The following RBFOX1 variants were observed in gnomAD, a reference collection of about 807,000 sequenced individuals.
The protein encoded by RBFOX1 is RNA binding protein fox-1 homolog 1.
A neutral mutation model predicts 57.7 loss-of-function variants in RBFOX1; 8 were observed. The observed-to-expected ratio is 0.14, with a 90% CI of 0.08 to 0.25. RBFOX1 has a LOEUF of 0.25. Among genes scored for constraint, RBFOX1 ranks in the 10% least tolerant of loss-of-function variants. RBFOX1 has a pLI of 1.00. For missense variants in RBFOX1, 611 were observed against 548.5 expected (o/e 1.11, Z -1.14); for synonymous variants, 326 against 222.4 (o/e 1.47, Z -4.15).
intron 4 of RBFOX1, among the ~76,000 whole-genome samples, chr16:5,927,575 A>T (rs1487917890): frequency 6.6e-6 from 1 of 152,224 alleles, no homozygotes; most frequent in Non-Finnish European, 1.5e-5. Flanking sequence ...CTACCGTATG[A>T]TCCAGCAATA....
At chr16:5,813,555 A>C (rs1365308925) in intron 3 of RBFOX1, among the ~76,000 whole-genome samples, 1 of 152,272 alleles carries the variant, frequency 6.6e-6, no homozygotes, top group Non-Finnish European at 1.5e-5. Flanking sequence ...GAAGCCAGGC[A>C]TAAAAGGTCA....
At chr16:6,555,077 A>G (rs1441307820) in intron 2 of RBFOX1, among the ~76,000 whole-genome samples, 1 of 152,186 alleles carries the variant, frequency 6.6e-6, no homozygotes, top group Non-Finnish European at 1.5e-5. Context: ...ATTCTTGCAC[A>G]TGGAAACACA....
intron 4 of RBFOX1, among the ~76,000 whole-genome samples, chr16:7,310,074 C>T (rs1012426774): frequency 7.9e-5 from 12 of 152,222 alleles, no homozygotes; most frequent in Admixed American, 3.3e-4. Flanking sequence ...CTATTGAGGG[C>T]GGCTGTGTCA....
intron 4 of RBFOX1, among the ~76,000 whole-genome samples, chr16:7,241,719 A>G (rs1487890875): frequency 6.6e-6 from 1 of 152,154 alleles, no homozygotes; most frequent in Non-Finnish European, 1.5e-5. Context: ...ATGGACAAAT[A>G]TATATGCATA....
intron 2 of RBFOX1, among the ~76,000 whole-genome samples, chr16:6,395,292 C>T (rs1013614): frequency 5.1e-4 from 78 of 152,106 alleles, no homozygotes; most frequent in Non-Finnish European, 7.5e-4. Flanking sequence ...CCAACAAAGT[C>T]AGATTTCAAA....
chr16:7,133,004 A>G (rs2151999041), intron 4 of RBFOX1, among the ~76,000 whole-genome samples: 1 of 152,320 alleles, frequency 6.6e-6, no homozygotes, highest in Non-Finnish European at 1.5e-5. Context: ...GAAATAAACC[A>G]GAAAATAAAT....
At chr16:5,934,986 C>T (rs568205040) in intron 4 of RBFOX1, among the ~76,000 whole-genome samples, 1 of 152,178 alleles carries the variant, frequency 6.6e-6, no homozygotes, top group African/African-American at 2.4e-5. Context: ...CCAGAGAGAT[C>T]AGTCCTGCAT....
chr16:6,240,850 T>C (rs1311959437), intron 1 of RBFOX1, among the ~76,000 whole-genome samples: 1 of 152,172 alleles, frequency 6.6e-6, no homozygotes, highest in Non-Finnish European at 1.5e-5. Context: ...GCACACGTTA[T>C]GCAGTTTTCC....
intron 1 of RBFOX1, among the ~76,000 whole-genome samples, chr16:5,269,772 T>G (rs1380219720): frequency 6.6e-6 from 1 of 152,198 alleles, no homozygotes; most frequent in African/African-American, 2.4e-5. Context: ...TGTGTATATC[T>G]CTGAATATAT....
Position 6,460,230 on chromosome 16 carries a change from C to A in RBFOX1, c.-64+143173C>A, listed in dbSNP as rs571762596. Among the ~76,000 whole-genome samples, 4 of 152,048 alleles carry A rather than the reference C, an allele frequency of 2.6e-5. 1 individual carries two copies. The highest frequency in any genetic ancestry group is 9.6e-5 in the African/African-American group (4 of 41,502). ...ATTGGTTCTCTCTCCTTGGCTTGTA[C>A]GTGGCCATCTTTTCCCTGTGTTTTT... is the stretch of plus-strand genomic sequence containing the variant. On this transcript the variant is annotated intron_variant, in intron 2 of 15. Coordinates refer to ENST00000550418, the MANE Select transcript of RBFOX1 (RefSeq NM_018723.4).
chr16:7,425,341 G>A (rs2098600112), intron 4 of RBFOX1, among the ~76,000 whole-genome samples: 7 of 152,084 alleles, frequency 4.6e-5, no homozygotes, highest in Admixed American at 4.6e-4. Context: ...TAGTTGAGTT[G>A]ACTTTTACCT....
At chr16:6,766,304 C>CT (rs960089028) in intron 3 of RBFOX1, among the ~76,000 whole-genome samples, 1 of 151,784 alleles carries the variant, frequency 6.6e-6, no homozygotes, top group Non-Finnish European at 1.5e-5. Flanking sequence ...AGAATTTTTC[C>CT]TTTTTTATTT....
intron 5 of RBFOX1, among the ~76,000 whole-genome samples, chr16:7,549,638 G>A (rs2085704348): frequency 6.6e-6 from 1 of 152,168 alleles, no homozygotes; most frequent in African/African-American, 2.4e-5. Flanking sequence ...AGAACCTGGA[G>A]TCTGTTGTTC....
chr16:6,298,601 G>T (rs558149770), intron 1 of RBFOX1, among the ~76,000 whole-genome samples: 2 of 152,146 alleles, frequency 1.3e-5, no homozygotes, highest in Non-Finnish European at 2.9e-5. Context: ...AATGGGTTCA[G>T]TTAGCATTGT....
intron 2 of RBFOX1, among the ~76,000 whole-genome samples, chr16:6,513,507 G>A (rs755740461): frequency 2.6e-5 from 4 of 152,050 alleles, no homozygotes; most frequent in Non-Finnish European, 5.9e-5. Flanking sequence ...GTCGAGGCAG[G>A]CGGATCACCT....
At chr16:6,188,746 A>G (rs2097123642) in intron 1 of RBFOX1, among the ~76,000 whole-genome samples, 1 of 152,202 alleles carries the variant, frequency 6.6e-6, no homozygotes, top group African/African-American at 2.4e-5. Flanking sequence ...GTAAATGGGC[A>G]CCTGTATCAG....
intron 1 of RBFOX1, among the ~76,000 whole-genome samples, chr16:5,434,356 A>G (rs935531529): frequency 1.1e-5 from 1 of 91,878 alleles, no homozygotes; most frequent in African/African-American, 4.2e-5. Context: ...GGGTCTTACT[A>G]TGTTACCCAG....
intron 3 of RBFOX1, among the ~76,000 whole-genome samples, chr16:6,860,215 A>G (rs1339353320): frequency 6.6e-6 from 1 of 152,192 alleles, no homozygotes; most frequent in Non-Finnish European, 1.5e-5. Flanking sequence ...AACAATATAT[A>G]TTGAATGCCC....
At chr16:6,848,811 GAGGAGC>G (rs2093908197) in intron 3 of RBFOX1, among the ~76,000 whole-genome samples, 1 of 152,184 alleles carries the variant, frequency 6.6e-6, no homozygotes, top group African/African-American at 2.4e-5. Context: ...CACACTCATG[GAGGAGC>G]AGGCCAGTGA....
Sources: gnomAD v4.1 joint callset for allele counts (sites outside exome capture counted in the v4.1 genomes callset) on GRCh38, gnomAD v4.1.1 for gene constraint, MANE v1.5 for transcripts, NCBI Gene and HGNC (gene_info 2026-07-23, HGNC 2026-07-21) for gene names.